Variants in ESRRB observed in about 807,000 individuals in gnomAD.
The protein encoded by ESRRB is steroid hormone receptor ERR2.
A neutral mutation model predicts 46.0 loss-of-function variants in ESRRB; 16 were observed. That is an observed-to-expected ratio of 0.35 (90% CI 0.24 to 0.53). The LOEUF is 0.53. ESRRB is among the 20% of genes least tolerant of loss of function. The pLI is 0.93. For missense variants in ESRRB, 488 were observed against 607.4 expected (o/e 0.80, Z 2.07); for synonymous variants, 246 against 259.6 (o/e 0.95, Z 0.50).
intron 1 of ESRRB, among the ~76,000 whole-genome samples, chr14:76,343,033 A>G (rs531122844): frequency 6.6e-6 from 1 of 152,354 alleles, no homozygotes; most frequent in East Asian, 1.9e-4. Flanking sequence ...AAGATCCCCT[A>G]GACAGGGCAT....
intron 3 of ESRRB, among the ~76,000 whole-genome samples, chr14:76,475,532 T>C (rs892678313): frequency 3.3e-5 from 5 of 152,264 alleles, no homozygotes; most frequent in African/African-American, 7.2e-5. Context: ...ATTTCATGTA[T>C]ATACCACATT....
Position 76,376,344 on chromosome 14 carries a change from T to C in ESRRB, c.-58T>C. The C allele has an allele frequency of 8.3e-7, 1 of 1,203,054 alleles. No homozygotes were observed. 74.5% of individuals were successfully genotyped at this position (1,203,054 alleles called of 1,614,324 possible). A position where few individuals can be genotyped will look rare whatever the true frequency, so the allele number is the denominator to read the frequency against. On this transcript the variant is annotated 5_prime_UTR_variant, in exon 1 of 7. Transcript: ENST00000644823. The surrounding 1 kb of genome is among the most constrained non-coding windows in gnomAD (Gnocchi z 4.1). Reference sequence around the variant, plus strand: ...CCTTGCCCGTGCCCTTCACTCGCTCTTCCGCGTGATTTCCCCGCCGTCTTT... The same window carrying C: ...CCTTGCCCGTGCCCTTCACTCGCTCCTCCGCGTGATTTCCCCGCCGTCTTT...
chr14:76,482,686 G>A lies in ESRRB; in HGVS notation c.777G>A (p.Lys259=). ...CTGGTATGCCTGAGGGGGACATCAA[G>A]GCCCTGACCACTCTCTGTGACCTGG... ...PPPGMPEGDI[K]ALTTLCDLAD... is the part of the protein sequence containing the mutation. Residue 259 remains lysine (K), a synonymous_variant, in exon 5 of 7, where the codon AAG becomes AAA. Coordinates refer to ENST00000644823, the MANE Select transcript of ESRRB (RefSeq NM_001379180.1). This position sits in a 1 kb window ranked among gnomAD's most constrained non-coding sequence, Gnocchi z 4.3. The A allele has an allele frequency of 6.2e-7, 1 of 1,614,198 alleles. No homozygotes were observed. Among genetic ancestry groups the A allele is most frequent in the Non-Finnish European group, 8.5e-7 (1 of 1,180,036 alleles).
rs57931265 is a variant in ESRRB, at chr14:76,498,463, C to T, written c.*5C>T. ...ATGCTGGAGGCCAAGGTGTGATGGCCCCGCACACGGACCAATGCCCACCTA... is the reference window on the plus strand; with the variant it reads ...ATGCTGGAGGCCAAGGTGTGATGGCTCCGCACACGGACCAATGCCCACCTA... On this transcript the variant is annotated 3_prime_UTR_variant, in exon 7 of 7. Coordinates refer to ENST00000644823, the MANE Select transcript of ESRRB (RefSeq NM_001379180.1). The T allele has an allele frequency of 2.5e-6, 4 of 1,613,164 alleles. No individual in the cohort carries two copies. The highest frequency in any genetic ancestry group is 3.4e-6 in the Non-Finnish European group (4 of 1,179,994).
At chr14:76,413,125 A>T (rs1405419087) in intron 1 of ESRRB, among the ~76,000 whole-genome samples, 1 of 152,200 alleles carries the variant, frequency 6.6e-6, no homozygotes, top group Non-Finnish European at 1.5e-5. Flanking sequence ...CCAGCATTGC[A>T]GGAGAGGACT....
At chr14:76,466,991 A>G (rs560666108) in intron 3 of ESRRB, among the ~76,000 whole-genome samples, 10 of 150,890 alleles carry the variant, frequency 6.6e-5, no homozygotes, top group African/African-American at 2.4e-4. Context: ...AAGTGCTGGG[A>G]TTACAGGCGT....
chr14:76,501,264 G>C lies in ESRRB; in HGVS notation c.*2806G>C, dbSNP rs1319832757. The C allele has an allele frequency of 4.5e-5, 7 of 157,220 alleles. No homozygotes were observed. Among genetic ancestry groups the C allele is most frequent in the Admixed American group, 4.3e-4 (7 of 16,384 alleles). The allele number at this position is 157,220 out of a possible 1,614,324, so 9.7% of individuals were successfully genotyped here. On this transcript the variant is annotated 3_prime_UTR_variant, in exon 7 of 7. Transcript: ENST00000644823. ...GGAGAAGGTGGTATGGCTGGGTTTT[G>C]TTTGGTCCCCTTGTCCTTATACGTT...
At chr14:76,496,778 ACG>A (rs1890447987) in intron 6 of ESRRB, among the ~76,000 whole-genome samples, 6 of 152,112 alleles carry the variant, frequency 3.9e-5, no homozygotes, top group Non-Finnish European at 8.8e-5. Context: ...CAGGGGGCTG[ACG>A]CTGGGCAGAA....
rs1370464635 is a variant in ESRRB at position 76,482,634 on chromosome 14, C to T, written c.725C>T (p.Pro242Leu). 5.0e-6 allele frequency: 8 copies of T among 1,614,022 alleles called. No homozygotes were observed. The highest frequency in any genetic ancestry group is 2.2e-5 in the East Asian group (1 of 44,880). ...KIVSYLLVAE[P>L]DKLYAMPPPG... is the part of the protein sequence containing the mutation. ...GTCTCATACCTACTGGTGGCTGAGC[C>T]GGACAAGCTCTATGCCATGCCTCCC... The change falls in exon 5 of 7, where the codon CCG becomes CTG. Residue 242 changes from proline to leucine, a missense_variant. Transcript: ENST00000644823. This position sits in a 1 kb window ranked among gnomAD's most constrained non-coding sequence, Gnocchi z 4.3.
At chr14:76,340,783 G>A (rs542564403) in intron 1 of ESRRB, among the ~76,000 whole-genome samples, 1 of 152,296 alleles carries the variant, frequency 6.6e-6, no homozygotes, top group East Asian at 1.9e-4. Context: ...TGTAGACAAG[G>A]CACAATGCAG....
At chr14:76,408,591 C>CAAAAAAAAA (rs35955826) in intron 1 of ESRRB, among the ~76,000 whole-genome samples, 2 of 42,154 alleles carry the variant, frequency 4.7e-5, no homozygotes, top group African/African-American at 2.1e-4. Context: ...GACCCTGTCT[C>CAAAAAAAAA]AAAAAAAAAA....
intron 1 of ESRRB, among the ~76,000 whole-genome samples, chr14:76,327,950 G>A (rs533874739): frequency 5.3e-5 from 8 of 152,142 alleles, no homozygotes; most frequent in Admixed American, 2.0e-4. Flanking sequence ...CTGACGCCAG[G>A]TGATTCACCC....
intron 1 of ESRRB, among the ~76,000 whole-genome samples, chr14:76,378,510 G>A (rs546310440): frequency 6.6e-6 from 1 of 151,670 alleles, no homozygotes; most frequent in Non-Finnish European, 1.5e-5. Flanking sequence ...TTTTTGCAAA[G>A]AATTAGCTTG....
intron 1 of ESRRB, among the ~76,000 whole-genome samples, chr14:76,358,184 C>T (rs1309934630): frequency 2.0e-5 from 3 of 151,094 alleles, no homozygotes; most frequent in East Asian, 3.9e-4. Context: ...TGGTGGCGGG[C>T]GCCTGTAATC....
chr14:76,392,712 T>G (rs1885516913), intron 1 of ESRRB, among the ~76,000 whole-genome samples: 1 of 152,202 alleles, frequency 6.6e-6, no homozygotes, highest in African/African-American at 2.4e-5. Flanking sequence ...GGCATGTGGC[T>G]CGGGGGCTGC....
chr14:76,314,705 G>A (rs1482432048), intron 1 of ESRRB, among the ~76,000 whole-genome samples: 9 of 152,106 alleles, frequency 5.9e-5, no homozygotes, highest in African/African-American at 2.2e-4. Context: ...GAACTCTCTG[G>A]TCTCCAGCCA....
At chr14:76,491,394 C>G (rs1481200310) in intron 5 of ESRRB, 53 bp from the exon 6 acceptor site, 9 of 1,591,696 alleles carry the variant, frequency 5.7e-6, no homozygotes, top group Non-Finnish European at 7.7e-6. Context: ...CAGGGAGGCC[C>G]CTGGTCCGCC....
chr14:76,362,575 C>T (rs1249574235), intron 1 of ESRRB, among the ~76,000 whole-genome samples: 1 of 152,178 alleles, frequency 6.6e-6, no homozygotes, highest in African/African-American at 2.4e-5. Context: ...TTAACTATGG[C>T]CTCCTTTGAC....
chr14:76,498,362 G>T lies in ESRRB; in HGVS notation c.1269G>T (p.Thr423=). Residue 423 remains threonine (T), a synonymous_variant, in exon 7 of 7, where the codon ACG becomes ACT. Coordinates refer to ENST00000644823, the MANE Select transcript of ESRRB (RefSeq NM_001379180.1). ...LLLTLPLLRQ[T]AAKAVQHFYS... ...TGACACTGCCGCTGCTGCGGCAGAC[G>T]GCCGCCAAGGCCGTGCAGCACTTCT... 1 of 1,612,600 alleles carries T rather than the reference G, an allele frequency of 6.2e-7. No homozygotes were observed. Among genetic ancestry groups the T allele is most frequent in the Non-Finnish European group, 8.5e-7 (1 of 1,179,620 alleles).
Sources: allele counts gnomAD v4.1 joint callset (sites outside exome capture counted in the v4.1 genomes callset), GRCh38; gene constraint gnomAD v4.1.1; non-coding constraint Gnocchi (gnomAD v3.1); transcripts MANE v1.5; gene names NCBI Gene and HGNC (gene_info 2026-07-23, HGNC 2026-07-21).